USP9X: variants seen among roughly 807,000 people sequenced by gnomAD.
The protein encoded by USP9X is ubiquitin carboxyl-terminal hydrolase 9X.
USP9X carries 7 observed loss-of-function variants against 190.3 expected under a neutral mutation model. The observed-to-expected ratio is 0.04, with a 90% CI of 0.02 to 0.07. The LOEUF (loss-of-function observed/expected upper bound fraction) is 0.07. Ranked by LOEUF, USP9X falls within the 10% of genes least tolerant of loss-of-function variation. The probability of loss-of-function intolerance (pLI) is 1.00; values close to 1 mark genes in which losing one functional copy is unlikely to be tolerated. For missense variants in USP9X, 1,010 were observed against 1,916.9 expected (o/e 0.53, Z 8.83); for synonymous variants, 645 against 659.5 (o/e 0.98, Z 0.34).
At position 41,188,088 on chromosome X, in the gene USP9X, A is replaced by G; in HGVS notation, c.3781A>G (p.Asn1261Asp). 8.3e-7 allele frequency: 1 copy of G among 1,208,696 alleles called. No homozygotes were observed. The highest frequency in any genetic ancestry group is 1.1e-6 in the Non-Finnish European group (1 of 893,719). The change falls in exon 25 of 45, where the codon AAT becomes GAT. Residue 1261 changes from asparagine (N) to aspartate (D), a missense_variant. Asn to Asp is a conservative substitution (Grantham distance 23, BLOSUM62 1). Transcript: ENST00000378308. ...CGSLQLVFSP[N>D]EEITKIYEKT... ...GTCGTTACAGCTAGTATTTAGCCCA[A>G]ATGAAGAAATCACTAAAATTTATGA...
Position 41,197,352 on chromosome X carries a change from C to CCCCCGGGGGGGGGG in USP9X, c.4234-12_4234-11insCCCCGGGGGGGGGG. 5 of 988,172 alleles carry CCCCCGGGGGGGGGG rather than the reference C, an allele frequency of 5.1e-6. No homozygotes were observed. The highest frequency in any genetic ancestry group is 6.6e-6 in the Non-Finnish European group (5 of 759,342). 81.4% of individuals were successfully genotyped at this position (988,172 alleles called of 1,213,427 possible). ...TTCTTCCCCCCCCCACCCCACCCCCCGCCTTTGGCAGGATGATGTTAAAAG... is the reference window on the plus strand; with the variant it reads ...TTCTTCCCCCCCCCACCCCACCCCCCCCCCGGGGGGGGGGGCCTTTGGCAGGATGATGTTAAAAG... On this transcript the variant is annotated splice_polypyrimidine_tract_variant and intron_variant, in intron 28 of 44. Transcript: ENST00000378308.
chrX:41,188,160 T>A, intron 25 of USP9X, 43 bp downstream of exon 25: 1 of 1,138,685 alleles, frequency 8.8e-7, no homozygotes, highest in Non-Finnish European at 1.2e-6. Context: ...AACAAATGTT[T>A]CTTAATTGTG....
intron 15 of USP9X, among the ~76,000 whole-genome samples, chrX:41,163,130 A>G (rs2062647761): frequency 8.9e-6 from 1 of 111,834 alleles, no homozygotes; most frequent in Admixed American, 9.5e-5. Flanking sequence ...TGCTGGAAAT[A>G]ATGTTTATTT....
chrX:41,197,600 CTT>C lies in USP9X; in HGVS notation c.4380+92_4380+93del, dbSNP rs759266532. ...TAATTAATTTATAGTAGTATCATGT[CTT>C]TGTACTTTCTTGATCTTTTCTCTTT... On this transcript the variant is annotated intron_variant, in intron 29 of 44. Coordinates refer to ENST00000378308, the MANE Select transcript of USP9X (RefSeq NM_001039591.3). The C allele has an allele frequency of 2.6e-3, 2,053 of 790,293 alleles. 2 individuals are homozygous for C. Among genetic ancestry groups the C allele is most frequent in the Non-Finnish European group, 3.2e-3 (1,903 of 589,106 alleles). The allele number at this position is 790,293 out of a possible 1,213,427, so 65.1% of individuals were successfully genotyped here. A position where few individuals can be genotyped will look rare whatever the true frequency, so the allele number is the denominator to read the frequency against.
At chrX:41,206,669 A>T (rs1433917578) in intron 32 of USP9X, among the ~76,000 whole-genome samples, 3 of 111,469 alleles carry the variant, frequency 2.7e-5, no homozygotes, top group African/African-American at 9.8e-5. Context: ...TGGATAGGCA[A>T]CGCTACTTCA....
chrX:41,091,418 C>T (rs2061954602), intron 1 of USP9X, among the ~76,000 whole-genome samples: 3 of 111,891 alleles, frequency 2.7e-5, no homozygotes, highest in Non-Finnish European at 5.6e-5. Context: ...GCTCTATTAT[C>T]TCTATACAGT....
intron 20 of USP9X, among the ~76,000 whole-genome samples, chrX:41,171,006 C>T (rs752481547): frequency 1.4e-4 from 16 of 111,714 alleles, no homozygotes; most frequent in East Asian, 5.6e-4. Context: ...AAAAAGTTAG[C>T]CTTCCATATA....
chrX:41,216,871 C>T (rs1232709590), intron 35 of USP9X, among the ~76,000 whole-genome samples: 4 of 110,155 alleles, frequency 3.6e-5, no homozygotes, highest in African/African-American at 9.9e-5. Flanking sequence ...GGTGAAACCC[C>T]ATCTCTACTA....
chrX:41,160,857 G>A (rs781108627), intron 14 of USP9X, among the ~76,000 whole-genome samples: 125 of 112,152 alleles, frequency 1.1e-3, no homozygotes, highest in African/African-American at 3.5e-3. Flanking sequence ...CTTGGGCTTT[G>A]TAGAAAAGAT....
At chrX:41,092,732 T>C (rs1266852952) in intron 1 of USP9X, among the ~76,000 whole-genome samples, 1 of 111,317 alleles carries the variant, frequency 9.0e-6, no homozygotes, top group Non-Finnish European at 1.9e-5. Flanking sequence ...GTATTTTGCT[T>C]TATTGGGTAA....
rs375726212 is a variant in USP9X, at chrX:41,224,707, A to C, written c.6752-35A>C. 2.5e-4 allele frequency: 268 copies of C among 1,066,525 alleles called. No individual in the cohort carries two copies. In the African/African-American group the frequency reaches 4.4e-3, roughly 18 times the overall value. 87.9% of individuals were successfully genotyped at this position (1,066,525 alleles called of 1,213,427 possible). On this transcript the variant is annotated intron_variant, in intron 39 of 44. Transcript: ENST00000378308. ...GTGTATTATTATTGTGAAGAAGCTTATTAGTTTTTTATTGGTGACAAATCT... is the reference window on the plus strand; with the variant it reads ...GTGTATTATTATTGTGAAGAAGCTTCTTAGTTTTTTATTGGTGACAAATCT...
chrX:41,178,162 G>A (rs2062794397), intron 21 of USP9X, among the ~76,000 whole-genome samples: 2 of 91,108 alleles, frequency 2.2e-5, no homozygotes, highest in Non-Finnish European at 2.1e-5. Context: ...GTGCAGTGGC[G>A]TGATTTCGGC....
intron 1 of USP9X, among the ~76,000 whole-genome samples, chrX:41,107,416 G>A (rs1175237486): frequency 8.9e-6 from 1 of 112,200 alleles, no homozygotes; most frequent in South Asian, 3.7e-4. Context: ...TCTTACTGAT[G>A]ATCCTTTGTA....
At chrX:41,163,291 A>G (rs1366686165) in intron 15 of USP9X, among the ~76,000 whole-genome samples, 2 of 111,296 alleles carry the variant, frequency 1.8e-5, no homozygotes, top group Non-Finnish European at 3.8e-5. Flanking sequence ...TGTTTATTCT[A>G]ACAGTGGCTG....
intron 1 of USP9X, among the ~76,000 whole-genome samples, chrX:41,112,058 T>A (rs1332908352): frequency 9.0e-6 from 1 of 111,511 alleles, no homozygotes; most frequent in East Asian, 2.8e-4. Flanking sequence ...TTGGTCAGGC[T>A]GGTCTCGAAC....
intron 21 of USP9X, among the ~76,000 whole-genome samples, chrX:41,182,894 A>G (rs1283531205): frequency 9.2e-6 from 1 of 108,983 alleles, no homozygotes; most frequent in African/African-American, 3.3e-5. Flanking sequence ...AATGGCTGCT[A>G]TTTCTAGGCC....
At chrX:41,086,656 A>G (rs1193496435) in intron 1 of USP9X, among the ~76,000 whole-genome samples, 7 of 112,220 alleles carry the variant, frequency 6.2e-5, no homozygotes, top group Admixed American at 5.6e-4. Flanking sequence ...GATAACCCGC[A>G]GTTTCTCCCC....
chrX:41,115,250 A>AAAG (rs2062139894), intron 1 of USP9X, among the ~76,000 whole-genome samples: 3 of 109,533 alleles, frequency 2.7e-5, no homozygotes, highest in South Asian at 3.8e-4. Flanking sequence ...AAGAAAAAAA[A>AAAG]AAAAAGTAGT....
chrX:41,133,807 G>A (rs2062346449), intron 4 of USP9X, among the ~76,000 whole-genome samples: 1 of 112,256 alleles, frequency 8.9e-6, no homozygotes, highest in South Asian at 3.6e-4. Flanking sequence ...ACTCCATTGT[G>A]TATATGTACC....
Sources: allele counts gnomAD v4.1 joint callset (sites outside exome capture counted in the v4.1 genomes callset), GRCh38; gene constraint gnomAD v4.1.1; transcripts MANE v1.5; gene names NCBI Gene and HGNC (gene_info 2026-07-23, HGNC 2026-07-21).